Variants in SNX9 observed in about 807,000 individuals in gnomAD.
SNX9 encodes sorting nexin-9.
In SNX9, 44 loss-of-function variants were observed where a neutral mutation model predicts 89.4. The observed-to-expected ratio is 0.49, with a 90% CI of 0.39 to 0.63. The LOEUF is 0.63. Among genes scored for constraint, SNX9 ranks in the 30% least tolerant of loss-of-function variants. The probability of loss-of-function intolerance (pLI) is 0.00; values close to 1 mark genes in which losing one functional copy is unlikely to be tolerated. For synonymous variants in SNX9, 236 were observed against 247.8 expected (o/e 0.95, Z 0.45); for missense variants, 578 against 736.1 (o/e 0.79, Z 2.49).
At chr6:157,867,480 C>A in intron 1 of SNX9, 67 bp from the exon 2 acceptor site, 1 of 1,288,776 alleles carries the variant, frequency 7.8e-7, no homozygotes, top group Non-Finnish European at 1.1e-6. Flanking sequence ...GTGAACTGTA[C>A]ACCTTTTGTG....
At chr6:157,884,750 G>A (rs1227566488) in intron 4 of SNX9, among the ~76,000 whole-genome samples, 1 of 152,228 alleles carries the variant, frequency 6.6e-6, no homozygotes, top group Non-Finnish European at 1.5e-5. Context: ...TGACATCTAT[G>A]AGACAGCTTT....
rs1218575245 is a variant in SNX9 at position 157,942,691 on chromosome 6, T to C, written c.1741-100T>C. On this transcript the variant is annotated intron_variant, in intron 17 of 17. Transcript: ENST00000392185. ...AAAAAGACCAGTTAAAGAATTGGAA[T>C]TTGTGTCATGTTTAACTTGTTGGAG... 3 of 1,278,310 alleles carry C rather than the reference T, an allele frequency of 2.3e-6. No homozygotes were observed. In the African/African-American group the frequency reaches 4.4e-5, roughly 19 times the overall value. 79.2% of individuals were successfully genotyped at this position (1,278,310 alleles called of 1,614,324 possible).
At chr6:157,935,807 A>G (rs1183315165) in intron 13 of SNX9, among the ~76,000 whole-genome samples, 157 bp from the exon 14 acceptor site, 2 of 152,242 alleles carry the variant, frequency 1.3e-5, no homozygotes, top group African/African-American at 4.8e-5. Context: ...GGGAAGGCAG[A>G]TGGTGGGTGA....
chr6:157,875,520 G>T (rs1782500087), intron 4 of SNX9, among the ~76,000 whole-genome samples: 1 of 152,172 alleles, frequency 6.6e-6, no homozygotes, highest in South Asian at 2.1e-4. Context: ...TGTTGAGGAG[G>T]TCAGTGTCAG....
intron 12 of SNX9, among the ~76,000 whole-genome samples, chr6:157,930,797 A>C (rs1783796556): frequency 6.6e-6 from 1 of 152,234 alleles, no homozygotes. Context: ...CCGTTGCTCT[A>C]AAGTATAAAT....
Position 157,932,183 on chromosome 6 carries a change from T to A in SNX9, c.1289-12T>A. The stretch of plus-strand genomic sequence containing the variant: ...TCAGAAGACTAATCGTTTATTCCTT[T>A]TTGTCTTTCAGCATTACCCAAGGAA... On this transcript the variant is annotated splice_polypyrimidine_tract_variant and intron_variant, in intron 12 of 17. Coordinates refer to ENST00000392185, the MANE Select transcript of SNX9 (RefSeq NM_016224.5). The A allele has an allele frequency of 6.2e-7, 1 of 1,613,040 alleles. No homozygotes were observed. The highest frequency in any genetic ancestry group is 1.6e-4 in the Middle Eastern group (1 of 6,062).
At chr6:157,895,373 C>T (rs1212967159) in intron 4 of SNX9, among the ~76,000 whole-genome samples, 1 of 152,128 alleles carries the variant, frequency 6.6e-6, no homozygotes, top group South Asian at 2.1e-4. Context: ...GTTTAGAGCC[C>T]TAGTAATTTA....
At chr6:157,843,824 C>T (rs1207064742) in intron 1 of SNX9, among the ~76,000 whole-genome samples, 1 of 150,818 alleles carries the variant, frequency 6.6e-6, no homozygotes, top group Non-Finnish European at 1.5e-5. Context: ...AATTTCAAAG[C>T]ATCGTGAGTA....
At chr6:157,930,479 G>A (rs1052016427) in intron 12 of SNX9, among the ~76,000 whole-genome samples, 1 of 152,142 alleles carries the variant, frequency 6.6e-6, no homozygotes, top group Non-Finnish European at 1.5e-5. Context: ...GCCATGGACT[G>A]GTACATGGAC....
intron 9 of SNX9, among the ~76,000 whole-genome samples, chr6:157,919,538 A>T (rs1205707983): frequency 2.0e-5 from 3 of 152,192 alleles, no homozygotes; most frequent in Non-Finnish European, 4.4e-5. Flanking sequence ...TTTCAACTCC[A>T]GAATTTCCAT....
At chr6:157,882,140 T>TTA in intron 4 of SNX9, among the ~76,000 whole-genome samples, 1 of 152,208 alleles carries the variant, frequency 6.6e-6, no homozygotes, top group East Asian at 1.9e-4. Flanking sequence ...CAGTGCTCGT[T>TTA]TACCATTCTG....
At chr6:157,894,106 C>CTTTTCTTTTCTTTTTT (rs1484938597) in intron 4 of SNX9, among the ~76,000 whole-genome samples, 9 of 89,564 alleles carry the variant, frequency 1.0e-4, no homozygotes, top group African/African-American at 4.1e-4. Flanking sequence ...CTTTTCTTTT[C>CTTTTCTTTTCTTTTTT]TTTTTTTTTT....
intron 4 of SNX9, among the ~76,000 whole-genome samples, chr6:157,882,953 G>A (rs1583215496): frequency 6.6e-6 from 1 of 152,270 alleles, no homozygotes; most frequent in South Asian, 2.1e-4. Context: ...GTTCTACTGT[G>A]GGCAAAATGC....
intron 1 of SNX9, chr6:157,828,994 A>G (rs1011211968): frequency 1.3e-5 from 2 of 152,130 alleles, no homozygotes; most frequent in African/African-American, 4.8e-5. Flanking sequence ...GAGCAAAAAT[A>G]TATTCTAGTG....
intron 1 of SNX9, among the ~76,000 whole-genome samples, chr6:157,831,448 TC>T (rs1217284709): frequency 1.3e-5 from 2 of 152,222 alleles, no homozygotes; most frequent in Non-Finnish European, 2.9e-5. Flanking sequence ...ATTTTCCTCA[TC>T]CCCACTACTC....
rs1240251607 is a variant in SNX9, at chr6:157,916,036, C to CT, written c.950-5483dup. ...GGATTCTTTGGTTTTTTTGTCTTTT[C>CT]TTTTTTTTTTTTGTTTGAGACGGAG... is the stretch of plus-strand genomic sequence containing the variant. On this transcript the variant is annotated intron_variant, in intron 9 of 17. Coordinates refer to ENST00000392185, the MANE Select transcript of SNX9 (RefSeq NM_016224.5). Among the ~76,000 whole-genome samples, 1,101 of 142,676 alleles carry CT rather than the reference C, an allele frequency of 7.7e-3. 11 individuals carry two copies. Among genetic ancestry groups the CT allele is most frequent in the African/African-American group, 0.024 (957 of 39,350 alleles). 93.6% of individuals were successfully genotyped at this position (142,676 alleles called of 152,430 possible).
At chr6:157,929,608 TA>T (rs1015429890) in intron 12 of SNX9, among the ~76,000 whole-genome samples, 7 of 152,040 alleles carry the variant, frequency 4.6e-5, no homozygotes, top group East Asian at 1.9e-4. Context: ...TGTATTCAGT[TA>T]AAAAAAATGT....
rs562520949 is a variant in SNX9 at position 157,849,470 on chromosome 6, T to C, written c.13-18077T>C. On this transcript the variant is annotated intron_variant, in intron 1 of 17. Coordinates refer to ENST00000392185, the MANE Select transcript of SNX9 (RefSeq NM_016224.5). ...GGAAGGTTTGAGTCAAGAGCGGCAA[T>C]GCTTAGTGTGCATGTTCAAAAGGTC... is the stretch of plus-strand genomic sequence containing the variant. Among the ~76,000 whole-genome samples the C allele has an allele frequency of 5.9e-5, 9 of 152,356 alleles. No individual in the cohort carries two copies. The South Asian group carries it at 1.9e-3, about 32-fold the overall frequency.
At chr6:157,832,270 G>A in intron 1 of SNX9, among the ~76,000 whole-genome samples, 1 of 152,180 alleles carries the variant, frequency 6.6e-6, no homozygotes, top group East Asian at 1.9e-4. Flanking sequence ...ATTAAAGAGG[G>A]GGAAATGCAG....
Sources: gnomAD v4.1 joint callset for allele counts (sites outside exome capture counted in the v4.1 genomes callset) on GRCh38, gnomAD v4.1.1 for gene constraint, MANE v1.5 for transcripts, NCBI Gene and HGNC (gene_info 2026-07-23, HGNC 2026-07-21) for gene names.